Variants in COA1 observed in about 807,000 individuals in gnomAD.
The protein encoded by COA1 is cytochrome c oxidase assembly factor 1.
In COA1, 13 loss-of-function variants were observed where a neutral mutation model predicts 16.0. The ratio of observed to expected loss-of-function variants is 0.81; its 90% CI spans 0.53 to 1.29. The LOEUF is 1.29. COA1 is among the 50% of genes most tolerant of loss of function. The pLI is 0.00. For synonymous variants in COA1, 65 were observed against 65.7 expected (o/e 0.99, Z 0.05); for missense variants, 179 against 177.0 (o/e 1.01, Z -0.06).
At chr7:43,637,268 C>T (rs2086049479), downstream of COA1, among the ~76,000 whole-genome samples, 1 of 152,182 alleles carries the variant, frequency 6.6e-6, no homozygotes, top group South Asian at 2.1e-4. Flanking sequence ...CCTGCCCATC[C>T]ACCCAGCACA....
At chr7:43,640,479 C>A in intron 5 of COA1, 94 bp downstream of exon 5, 1 of 913,904 alleles carries the variant, frequency 1.1e-6, no homozygotes, top group East Asian at 2.5e-5. Flanking sequence ...CCTATGCCCA[C>A]AGTAATTTAA....
rs140013477 is a variant in COA1, at chr7:43,675,323, T to C, written c.-38-26671A>G. On this transcript the variant is annotated intron_variant, in intron 1 of 5. Coordinates refer to ENST00000223336, the MANE Select transcript of COA1 (RefSeq NM_018224.4). ...GGAAACCATCATTCTCAGCAAACTA[T>C]CCCAAGAACAAAAAACCAAACATCG... Among the ~76,000 whole-genome samples the C allele has an allele frequency of 3.3e-5, 5 of 151,938 alleles. No homozygotes were observed. The East Asian group carries it at 7.7e-4, about 24-fold the overall frequency.
At chr7:43,659,903 G>C (rs923409990) in intron 1 of COA1, among the ~76,000 whole-genome samples, 14 of 152,190 alleles carry the variant, frequency 9.2e-5, no homozygotes, top group African/African-American at 3.1e-4. Flanking sequence ...AAATTAATAT[G>C]AGATTTTCAG....
At chr7:43,691,260 G>GAAAGAAAAGAAAAGAAAAGAAAAGA (rs774114457) in intron 1 of COA1, among the ~76,000 whole-genome samples, 3 of 33,370 alleles carry the variant, frequency 9.0e-5, no homozygotes, top group East Asian at 6.4e-4. Flanking sequence ...AAAAAAGAAA[G>GAAAGAAAAGAAAAGAAAAGAAAAGA]AAAGAAAAGA....
rs77115652 is a variant in COA1, at chr7:43,647,511, G to A, written c.115+24C>T. 2.1e-3 allele frequency: 3,288 copies of A among 1,538,350 alleles called. 64 individuals carry two copies. The African/African-American group carries it at 0.037, about 17-fold the overall frequency. ...GAGCAGGCTAGGAGGAGGTCAGGCC[G>A]CAGGCGGCTAGCAGGATACTTACTT... On this transcript the variant is annotated intron_variant, in intron 3 of 5. Coordinates refer to ENST00000223336, the MANE Select transcript of COA1 (RefSeq NM_018224.4).
chr7:43,644,402 A>G (rs991800157), intron 4 of COA1, among the ~76,000 whole-genome samples: 4 of 152,226 alleles, frequency 2.6e-5, no homozygotes, highest in African/African-American at 7.2e-5. Flanking sequence ...GTACAAAAAG[A>G]TAAGTTATAG....
intron 1 of COA1, among the ~76,000 whole-genome samples, chr7:43,718,650 G>A (rs1310128241): frequency 2.6e-5 from 4 of 152,152 alleles, no homozygotes; most frequent in African/African-American, 7.2e-5. Flanking sequence ...CATTGGGAGA[G>A]TTGTTTCTTA....
intron 1 of COA1, among the ~76,000 whole-genome samples, chr7:43,694,719 T>TAC: frequency 6.6e-6 from 1 of 152,320 alleles, no homozygotes; most frequent in Non-Finnish European, 1.5e-5. Context: ...CTTCTCTCTC[T>TAC]ACACTCACTC....
chr7:43,645,513 C>A, intron 3 of COA1, 114 bp from the exon 4 acceptor site: 1 of 934,968 alleles, frequency 1.1e-6, no homozygotes. Flanking sequence ...AACGTGAAAT[C>A]TGTGGATGGA....
rs139471160 is a variant in COA1 at position 43,647,496 on chromosome 7, G to A, written c.115+39C>T. On this transcript the variant is annotated intron_variant, in intron 3 of 5. Coordinates refer to ENST00000223336, the MANE Select transcript of COA1 (RefSeq NM_018224.4). ...CTGATGGAGGAGCAGGAGCAGGCTA[G>A]GAGGAGGTCAGGCCGCAGGCGGCTA... 3,425 of 1,338,962 alleles carry A rather than the reference G, an allele frequency of 2.6e-3. 12 individuals carry two copies. Among genetic ancestry groups the A allele is most frequent in the Non-Finnish European group, 3.2e-3 (3,004 of 928,370 alleles). The allele number at this position is 1,338,962 out of a possible 1,614,324, so 82.9% of individuals were successfully genotyped here.
intron 1 of COA1, among the ~76,000 whole-genome samples, chr7:43,703,927 T>G (rs976499589): frequency 2.0e-5 from 3 of 152,250 alleles, no homozygotes; most frequent in Non-Finnish European, 4.4e-5. Flanking sequence ...CAGTGGGCTA[T>G]GTACTTAAGT....
rs1180479704 is a variant in COA1 at position 43,673,507 on chromosome 7, G to C, written c.-38-24855C>G. ...GTCAAAAAATAACAGATGCTGGCAA[G>C]GTTGCGGAGAAAAGGGAACACTTAC... is the stretch of plus-strand genomic sequence containing the variant. On this transcript the variant is annotated intron_variant, in intron 1 of 5. Coordinates refer to ENST00000223336, the MANE Select transcript of COA1 (RefSeq NM_018224.4). Among the ~76,000 whole-genome samples the C allele has an allele frequency of 3.3e-5, 5 of 152,328 alleles. No individual in the cohort carries two copies. In the East Asian group the frequency reaches 9.6e-4, roughly 29 times the overall value.
chr7:43,703,814 A>C (rs147372238), intron 1 of COA1, among the ~76,000 whole-genome samples: 1 of 152,246 alleles, frequency 6.6e-6, no homozygotes, highest in African/African-American at 2.4e-5. Context: ...CCACTCTTTT[A>C]AGTAGGTCAT....
intron 6 of COA1, among the ~76,000 whole-genome samples, chr7:43,620,110 G>T (rs903194471): frequency 1.3e-5 from 2 of 152,190 alleles, no homozygotes; most frequent in African/African-American, 4.8e-5. Context: ...AGGCTCCATA[G>T]AAGTGTGGAG....
downstream of COA1, among the ~76,000 whole-genome samples, chr7:43,638,566 C>CTT (rs746584234): frequency 0.022 from 2,107 of 97,170 alleles, 73 homozygotes; most frequent in African/African-American, 0.077. Flanking sequence ...TTTTTCTTTC[C>CTT]TTTTTTTTTT....
At chr7:43,718,432 A>G (rs1050856244) in intron 1 of COA1, among the ~76,000 whole-genome samples, 2 of 152,168 alleles carry the variant, frequency 1.3e-5, no homozygotes, top group African/African-American at 4.8e-5. Flanking sequence ...CACATCTAAT[A>G]CTATTGACCA....
intron 4 of COA1, 90 bp from the exon 5 acceptor site, chr7:43,640,739 G>A (rs1350488594): frequency 1.1e-6 from 1 of 937,862 alleles, no homozygotes; most frequent in South Asian, 1.7e-5. Flanking sequence ...CTAGAGCTAA[G>A]CCTATAAAAT....
chr7:43,688,222 C>T (rs938979212), intron 1 of COA1, among the ~76,000 whole-genome samples: 1 of 152,064 alleles, frequency 6.6e-6, no homozygotes, highest in African/African-American at 2.4e-5. Context: ...GCAGAAGGAG[C>T]CTTGATATAT....
chr7:43,619,723 G>A, intron 6 of COA1: 2 of 1,612,876 alleles, frequency 1.2e-6, no homozygotes, highest in Non-Finnish European at 1.7e-6. Flanking sequence ...TGAATATGTG[G>A]GTAAGTATTC....
Sources: allele counts gnomAD v4.1 joint callset (sites outside exome capture counted in the v4.1 genomes callset), GRCh38; gene constraint gnomAD v4.1.1; transcripts MANE v1.5; gene names NCBI Gene and HGNC (gene_info 2026-07-23, HGNC 2026-07-21).